The following ZFP2 variants were observed in gnomAD, a reference collection of about 807,000 sequenced individuals.
ZFP2 encodes the protein ZFP2 zinc finger protein.
A neutral mutation model predicts 36.1 loss-of-function variants in ZFP2; 33 were observed. The observed-to-expected ratio is 0.92, with a 90% CI of 0.69 to 1.22. ZFP2 has a LOEUF of 1.22. Among genes scored for constraint, ZFP2 ranks in the 50% most tolerant of loss-of-function variants. ZFP2 has a pLI of 0.00. For synonymous variants in ZFP2, 170 were observed against 178.0 expected (o/e 0.96, Z 0.36); for missense variants, 522 against 551.4 (o/e 0.95, Z 0.53).
At chr5:178,914,956 C>T (rs529500205) in intron 3 of ZFP2, among the ~76,000 whole-genome samples, 2 of 152,132 alleles carry the variant, frequency 1.3e-5, no homozygotes, top group Admixed American at 6.5e-5. Context: ...TTCTGTAAAC[C>T]TTACGTTTCA....
intron 1 of ZFP2, chr5:178,909,763 CT>C: frequency 6.4e-7 from 1 of 1,573,004 alleles, no homozygotes; most frequent in Non-Finnish European, 8.6e-7. Flanking sequence ...GCACCTCTCC[CT>C]TCCTCTTCTC....
Position 178,932,179 on chromosome 5 carries a change from AG to A in ZFP2, c.867del (p.Gln289HisfsTer26). 2 of 1,614,176 alleles carry A rather than the reference AG, an allele frequency of 1.2e-6. No homozygotes were observed. The highest frequency in any genetic ancestry group is 1.7e-6 in the Non-Finnish European group (2 of 1,180,012). On this transcript the variant is annotated frameshift_variant, in exon 5 of 5. Coordinates refer to ENST00000361362, the MANE Select transcript of ZFP2 (RefSeq NM_030613.4). LOFTEE classifies it high-confidence loss of function. ...FSKSSTLTLH[Q>X]RNHTGEKPYK... ...AAGAGCTCAACTCTTACCCTACATCAGCGAAATCACACTGGAGAAAAACCTT... is the reference window on the plus strand; with the variant it reads ...AAGAGCTCAACTCTTACCCTACATCACGAAATCACACTGGAGAAAAACCTT...
chr5:178,906,486 C>G (rs911636861), intron 1 of ZFP2, among the ~76,000 whole-genome samples: 22 of 152,078 alleles, frequency 1.4e-4, no homozygotes, highest in Non-Finnish European at 2.9e-4. Context: ...TTTTTGGTTT[C>G]TGTTTTACGT....
intron 1 of ZFP2, among the ~76,000 whole-genome samples, chr5:178,903,733 G>A (rs1026267789): frequency 2.0e-5 from 3 of 152,222 alleles, no homozygotes; most frequent in Non-Finnish European, 2.9e-5. Context: ...ACTTTGGGAG[G>A]CCGAGGTGGG....
At chr5:178,905,218 T>TA (rs1410229951) in intron 1 of ZFP2, among the ~76,000 whole-genome samples, 1 of 152,154 alleles carries the variant, frequency 6.6e-6, no homozygotes, top group Non-Finnish European at 1.5e-5. Flanking sequence ...TCATATTAAG[T>TA]AAAAAAATGA....
At chr5:178,898,415 T>C (rs2113038684) in intron 1 of ZFP2, among the ~76,000 whole-genome samples, 3 of 152,372 alleles carry the variant, frequency 2.0e-5, no homozygotes, top group Middle Eastern at 6.8e-3. Flanking sequence ...CTCTCTGTCT[T>C]TCGTCTTTGT....
intron 1 of ZFP2, among the ~76,000 whole-genome samples, chr5:178,906,193 A>C (rs1758162219): frequency 1.3e-5 from 2 of 152,214 alleles, no homozygotes; most frequent in South Asian, 4.1e-4. Context: ...TAAGGTGGTG[A>C]GGGTTTAGGG....
At chr5:178,927,002 A>G (rs1350696934) in intron 4 of ZFP2, among the ~76,000 whole-genome samples, 2 of 152,172 alleles carry the variant, frequency 1.3e-5, no homozygotes, top group African/African-American at 4.8e-5. Flanking sequence ...GCCTGTGCCC[A>G]TAGGCCTTGG....
chr5:178,915,186 T>C (rs185141885), intron 3 of ZFP2, among the ~76,000 whole-genome samples: 1 of 152,308 alleles, frequency 6.6e-6, no homozygotes. Context: ...GCCATTTTCA[T>C]TGCTTATTGT....
chr5:178,909,289 G>A (rs142709830), intron 1 of ZFP2, among the ~76,000 whole-genome samples: 7 of 152,282 alleles, frequency 4.6e-5, no homozygotes, highest in African/African-American at 1.7e-4. Context: ...CTAGAAGAAC[G>A]TGTTTCCCAT....
At chr5:178,921,947 C>CT (rs1758569596) in intron 4 of ZFP2, 1 of 521,634 alleles carries the variant, frequency 1.9e-6, no homozygotes, top group Non-Finnish European at 3.5e-6. Context: ...TGATCTTTGT[C>CT]TAACTTCTTA....
chr5:178,910,484 A>G (rs1758271357), intron 1 of ZFP2: 2 of 659,906 alleles, frequency 3.0e-6, no homozygotes, highest in Admixed American at 3.8e-5. Context: ...ACAGGGTGGT[A>G]CTTGCTCCTC....
chr5:178,910,718 C>G (rs1758279267), intron 1 of ZFP2: 1 of 266,558 alleles, frequency 3.8e-6, no homozygotes, highest in Admixed American at 4.0e-5. Context: ...AACAGCTGCT[C>G]CAGAGGTTCC....
At position 178,912,589 on chromosome 5, in the gene ZFP2, G is replaced by C; in HGVS notation, c.-444G>C. 1 of 976,992 alleles carries C rather than the reference G, an allele frequency of 1.0e-6. No individual in the cohort carries two copies. Among genetic ancestry groups the C allele is most frequent in the Non-Finnish European group, 1.2e-6 (1 of 810,248 alleles). The allele number at this position is 976,992 out of a possible 1,614,324, so 60.5% of individuals were successfully genotyped here. On this transcript the variant is annotated 5_prime_UTR_variant, in exon 2 of 5. Transcript: ENST00000361362. ...CCTTATTGAGGAATTTTTAGTTTCA[G>C]GAGTCAGTGACCTTCAAGGATGTGT...
intron 3 of ZFP2, among the ~76,000 whole-genome samples, chr5:178,914,516 ATTC>A (rs1672720296): frequency 6.6e-6 from 1 of 152,224 alleles, no homozygotes; most frequent in Non-Finnish European, 1.5e-5. Context: ...TGATATTTGT[ATTC>A]TTATGTAAAT....
chr5:178,904,721 GAGAC>G, intron 1 of ZFP2, among the ~76,000 whole-genome samples: 1 of 80,214 alleles, frequency 1.2e-5, no homozygotes, highest in Non-Finnish European at 2.3e-5. Context: ...TTTTTTTTGA[GAGAC>G]AGAGTCTTGC....
intron 4 of ZFP2, among the ~76,000 whole-genome samples, chr5:178,922,967 A>G (rs1198064901): frequency 1.3e-5 from 2 of 149,642 alleles, no homozygotes; most frequent in East Asian, 3.8e-4. Context: ...TTTGGTTGTA[A>G]CACATAAAAT....
intron 4 of ZFP2, among the ~76,000 whole-genome samples, chr5:178,926,561 G>A (rs536879180): frequency 2.8e-4 from 43 of 151,782 alleles, no homozygotes; most frequent in African/African-American, 1.0e-3. Context: ...GTGTCGCCCA[G>A]GCTGGAGTGC....
intron 1 of ZFP2, among the ~76,000 whole-genome samples, chr5:178,901,670 G>A (rs1758059474): frequency 6.6e-6 from 1 of 152,116 alleles, no homozygotes; most frequent in Non-Finnish European, 1.5e-5. Context: ...CCTATTGCAA[G>A]GTACTAGAAG....
Sources: allele counts gnomAD v4.1 joint callset (sites outside exome capture counted in the v4.1 genomes callset), GRCh38; gene constraint gnomAD v4.1.1; transcripts MANE v1.5; gene names NCBI Gene and HGNC (gene_info 2026-07-23, HGNC 2026-07-21).